C19orf47: variants seen among roughly 807,000 people sequenced by gnomAD.
C19orf47 encodes chromosome 19 open reading frame 47.
C19orf47 carries 18 observed loss-of-function variants against 32.3 expected under a neutral mutation model. The observed-to-expected ratio is 0.56, with a 90% CI of 0.39 to 0.83. The LOEUF is 0.83. Ranked by LOEUF, C19orf47 falls within the 40% of genes least tolerant of loss-of-function variation. The pLI, the probability that C19orf47 is intolerant of heterozygous loss-of-function variation, is 0.00. For synonymous variants in C19orf47, 202 were observed against 211.1 expected, an observed-to-expected ratio of 0.96 and a Z score of 0.37; for missense variants, 484 against 531.6, an observed-to-expected ratio of 0.91 and a Z score of 0.88.
chr19:40,322,681 A>C (rs2077745770), intron 8 of C19orf47, among the ~76,000 whole-genome samples: 2 of 152,226 alleles, frequency 1.3e-5, no homozygotes, highest in Admixed American at 6.5e-5. Flanking sequence ...TGTCATTTGC[A>C]AGGTCAATAG....
the C19orf47 span, among the ~76,000 whole-genome samples, chr19:40,296,097 T>A: frequency 6.6e-6 from 1 of 152,094 alleles, no homozygotes; most frequent in Non-Finnish European, 1.5e-5. Flanking sequence ...GAGAATATGT[T>A]CTGAGAAATT....
At chr19:40,334,887 G>A (rs1460981304) in intron 4 of C19orf47, 1 of 151,406 alleles carries the variant, frequency 6.6e-6, no homozygotes, top group Non-Finnish European at 1.5e-5. Context: ...ACTCCAGCCT[G>A]GGCGATGGAG....
the C19orf47 span, among the ~76,000 whole-genome samples, chr19:40,308,465 CTTT>C: frequency 1.7e-5 from 2 of 119,982 alleles, no homozygotes; most frequent in Non-Finnish European, 3.5e-5. Context: ...AGAAAGTCAA[CTTT>C]TTTTTTTTTT....
rs137999255 is a variant in C19orf47, at chr19:40,322,266, C to T, written c.774G>A (p.Leu258=). ...TGGCTGGGCCCCGTCCTAGCTTCTT[C>T]AGGACCCCGGCATACTGCAAGACAG... ...SSSVLQYAGV[L]KKLGRGPAKA... is the part of the protein sequence containing the mutation. Residue 258 remains leucine (L), a synonymous_variant, in exon 9 of 9, where the codon CTG becomes CTA. Coordinates refer to ENST00000683109, the MANE Select transcript of C19orf47 (RefSeq NM_001256441.2). The T allele has an allele frequency of 1.6e-4, 262 of 1,608,826 alleles. No homozygotes were observed. The highest frequency in any genetic ancestry group is 2.2e-4 in the Non-Finnish European group (257 of 1,179,976).
the C19orf47 span, among the ~76,000 whole-genome samples, chr19:40,313,268 C>T: frequency 6.6e-6 from 1 of 152,196 alleles, no homozygotes; most frequent in Non-Finnish European, 1.5e-5. Flanking sequence ...GAATTTTGTA[C>T]TGTTCCCATG....
chr19:40,343,276 C>T (rs1183908156), intron 1 of C19orf47, among the ~76,000 whole-genome samples: 1 of 152,172 alleles, frequency 6.6e-6, no homozygotes, highest in African/African-American at 2.4e-5. Context: ...TTCCTGTTTA[C>T]CACCCCATAC....
chr19:40,345,251 A>G (rs999866479), intron 1 of C19orf47, among the ~76,000 whole-genome samples: 6 of 152,182 alleles, frequency 3.9e-5, no homozygotes, highest in African/African-American at 1.4e-4. Context: ...TTTTAAAGAC[A>G]GCAGCTCCCA....
chr19:40,348,272 C>T (rs2078368794), intron 1 of C19orf47, 52 bp downstream of exon 1: 7 of 1,236,494 alleles, frequency 5.7e-6, no homozygotes, highest in Non-Finnish European at 7.3e-6. Context: ...CCGGACGCCA[C>T]CCGTCCCTAC....
intron 1 of C19orf47, among the ~76,000 whole-genome samples, chr19:40,344,972 G>A (rs922854848): frequency 4.6e-5 from 7 of 152,150 alleles, no homozygotes; most frequent in African/African-American, 1.7e-4. Flanking sequence ...GAGCCTAGGA[G>A]TTCAAGATCA....
rs2077864490 is a variant in C19orf47, at chr19:40,327,785, G to T, written c.439+628C>A. Among the ~76,000 whole-genome samples, 6 of 152,164 alleles carry T rather than the reference G, an allele frequency of 3.9e-5. No homozygotes were observed. In the South Asian group the frequency reaches 1.2e-3, roughly 32 times the overall value. ...CAACATGGAGCAGTCTGGGAAGGAA[G>T]AGTGCTCAGGCCAAGGGGTCACCAG... is the stretch of plus-strand genomic sequence containing the variant. On this transcript the variant is annotated intron_variant, in intron 6 of 8. Coordinates refer to ENST00000683109, the MANE Select transcript of C19orf47 (RefSeq NM_001256441.2).
downstream of C19orf47, among the ~76,000 whole-genome samples, chr19:40,318,275 G>A (rs536628298): frequency 4.6e-5 from 7 of 152,008 alleles, no homozygotes; most frequent in South Asian, 2.1e-4. Flanking sequence ...AGGGATTAAC[G>A]GGCAAGGATT....
At position 40,321,594 on chromosome 19, in the gene C19orf47, C is replaced by A. The variant is rs370345949; in HGVS notation, c.*288G>T. On this transcript the variant is annotated 3_prime_UTR_variant, in exon 9 of 9. Coordinates refer to ENST00000683109, the MANE Select transcript of C19orf47 (RefSeq NM_001256441.2). ...TGTAGGAGAGGAAGAAGCCCCCTGG[C>A]ACTTGGGAGAGGTAGAAAAGTGGGT... The A allele has an allele frequency of 1.3e-5, 16 of 1,199,170 alleles. No homozygotes were observed. In the South Asian group the frequency reaches 4.4e-4, roughly 33 times the overall value. 74.3% of individuals were successfully genotyped at this position (1,199,170 alleles called of 1,614,324 possible).
chr19:40,327,034 C>CT (rs1438954435), intron 6 of C19orf47, among the ~76,000 whole-genome samples: 1 of 100,856 alleles, frequency 9.9e-6, no homozygotes, highest in Non-Finnish European at 2.0e-5. Context: ...TTTTTTGAGA[C>CT]TGAGTTTTTG....
At chr19:40,339,231 A>C (rs1280361334) in intron 2 of C19orf47, 1 of 152,702 alleles carries the variant, frequency 6.5e-6, no homozygotes, top group Non-Finnish European at 1.5e-5. Context: ...GAGTCCCCAC[A>C]TTAAGCACAC....
chr19:40,326,527 G>A, intron 6 of C19orf47, 41 bp from the exon 7 acceptor site: 2 of 1,597,010 alleles, frequency 1.3e-6, no homozygotes, highest in South Asian at 1.1e-5. Flanking sequence ...CTCTGAGACA[G>A]AACGTTCTCC....
rs779757753 is a variant in C19orf47, at chr19:40,326,347, C to T, written c.579G>A (p.Gln193=). The change falls in exon 7 of 9, where the codon CAG becomes CAA. Residue 193 remains glutamine (Q), a synonymous_variant. Transcript: ENST00000683109. The stretch of plus-strand genomic sequence containing the variant: ...ATGGGCCAGTACCTTTTGCAGCCTG[C>T]TGCTGCTCCAGGATCTTGCGGGTGC... ...TPRTRKILEQ[Q]QAAKGLHRTS... 3 of 1,614,060 alleles carry T rather than the reference C, an allele frequency of 1.9e-6. No individual in the cohort carries two copies. In the Admixed American group the frequency reaches 5.0e-5, roughly 27 times the overall value.
the C19orf47 span, among the ~76,000 whole-genome samples, chr19:40,295,589 C>A: frequency 1.3e-5 from 2 of 151,946 alleles, no homozygotes; most frequent in Non-Finnish European, 2.9e-5. Context: ...GCGCCCACCA[C>A]CATACCCGGA....
the C19orf47 span, among the ~76,000 whole-genome samples, chr19:40,305,706 T>G: frequency 3.5e-4 from 54 of 152,288 alleles, no homozygotes; most frequent in African/African-American, 1.3e-3. Flanking sequence ...TAACATGTGA[T>G]CCTGAATTGG....
chr19:40,308,398 G>T, the C19orf47 span, among the ~76,000 whole-genome samples: 1 of 151,166 alleles, frequency 6.6e-6, no homozygotes, highest in Non-Finnish European at 1.5e-5. Flanking sequence ...CTGGTGATCT[G>T]CCCGCCTCAG....
Sources: allele counts gnomAD v4.1 joint callset (sites outside exome capture counted in the v4.1 genomes callset), GRCh38; gene constraint gnomAD v4.1.1; transcripts MANE v1.5; gene names NCBI Gene and HGNC (gene_info 2026-07-23, HGNC 2026-07-21).